The following EPHA5 variants were observed in gnomAD, a reference collection of about 807,000 sequenced individuals.
EPHA5 encodes the protein EPH receptor A5, also known as ephrin type-A receptor 5.
A neutral mutation model predicts 105.0 loss-of-function variants in EPHA5; 60 were observed. The observed-to-expected ratio is 0.57, with a 90% CI of 0.46 to 0.71. The LOEUF (loss-of-function observed/expected upper bound fraction) is 0.71, where lower values mean the gene tolerates loss of function less well. Among genes scored for constraint, EPHA5 ranks in the 30% least tolerant of loss-of-function variants. The probability of loss-of-function intolerance (pLI) is 0.00; values close to 1 mark genes in which losing one functional copy is unlikely to be tolerated. For synonymous variants in EPHA5, 513 were observed against 449.1 expected, an observed-to-expected ratio of 1.14 and a Z score of -1.80; for missense variants, 1,218 against 1,274.7, an observed-to-expected ratio of 0.96 and a Z score of 0.68.
chr4:65,498,266 A>G (rs1349560201), intron 3 of EPHA5, among the ~76,000 whole-genome samples: 1 of 151,758 alleles, frequency 6.6e-6, no homozygotes, highest in Non-Finnish European at 1.5e-5. Context: ...GGCCACAAAA[A>G]CCTTACATAT....
chr4:65,426,964 A>C (rs1419708972), intron 5 of EPHA5, among the ~76,000 whole-genome samples: 1 of 152,260 alleles, frequency 6.6e-6, no homozygotes, highest in Admixed American at 6.5e-5. Flanking sequence ...CAATGTTATT[A>C]AAGAATTTCA....
intron 5 of EPHA5, among the ~76,000 whole-genome samples, chr4:65,430,672 A>T (rs536740988): frequency 6.6e-6 from 1 of 152,172 alleles, no homozygotes; most frequent in East Asian, 1.9e-4. Flanking sequence ...AGTTCACCCC[A>T]CCAGGAATTG....
chr4:65,638,090 C>T (rs967703586), intron 2 of EPHA5, among the ~76,000 whole-genome samples: 5 of 152,210 alleles, frequency 3.3e-5, no homozygotes, highest in East Asian at 1.9e-4. Context: ...TAAACATATC[C>T]ATTCTTAAGG....
intron 8 of EPHA5, among the ~76,000 whole-genome samples, chr4:65,400,435 GATT>G (rs1209435267): frequency 6.6e-6 from 1 of 152,084 alleles, no homozygotes; most frequent in Non-Finnish European, 1.5e-5. Flanking sequence ...ATACCCCATA[GATT>G]ACTTAACACA....
In EPHA5 at chr4:65,320,996, A is replaced by G. The variant is rs1388905647; in HGVS notation, c.*3118T>C. 3 of 230,450 alleles carry G rather than the reference A, an allele frequency of 1.3e-5. No individual in the cohort carries two copies. The highest frequency in any genetic ancestry group is 2.6e-5 in the Non-Finnish European group (3 of 116,298). 14.3% of individuals were successfully genotyped at this position (230,450 alleles called of 1,614,324 possible). On this transcript the variant is annotated 3_prime_UTR_variant, in exon 17 of 17. Coordinates refer to ENST00000613740, the MANE Select transcript of EPHA5 (RefSeq NM_001281766.3). The stretch of plus-strand genomic sequence containing the variant: ...AAAATCAAAATCTTTACATCTTTAC[A>G]TAGAAATAGTACATTATGAAAAGAG...
At chr4:65,439,076 C>A (rs1373758081) in intron 5 of EPHA5, among the ~76,000 whole-genome samples, 1 of 152,050 alleles carries the variant, frequency 6.6e-6, no homozygotes, top group East Asian at 1.9e-4. Context: ...GCCCATTTTA[C>A]AGGTGAAGAT....
intron 8 of EPHA5, among the ~76,000 whole-genome samples, chr4:65,398,449 G>A (rs1301506011): frequency 2.0e-5 from 3 of 152,264 alleles, no homozygotes; most frequent in Non-Finnish European, 2.9e-5. Context: ...ATGGTGGCAG[G>A]AGGCAGACAG....
intron 5 of EPHA5, among the ~76,000 whole-genome samples, chr4:65,486,911 C>G (rs1447538533): frequency 1.3e-5 from 2 of 152,172 alleles, no homozygotes; most frequent in African/African-American, 4.8e-5. Context: ...GGGGCAGTTT[C>G]TTGAGAACAG....
chr4:65,450,060 C>T (rs1293006509), intron 5 of EPHA5, among the ~76,000 whole-genome samples: 6 of 152,048 alleles, frequency 3.9e-5, no homozygotes, highest in Non-Finnish European at 7.4e-5. Flanking sequence ...ACGTTTAAAG[C>T]ATTAAAAAGA....
chr4:65,340,963 A>G (rs1247055511), intron 14 of EPHA5, among the ~76,000 whole-genome samples: 1 of 152,130 alleles, frequency 6.6e-6, no homozygotes, highest in Non-Finnish European at 1.5e-5. Context: ...TTTCTACTCC[A>G]TAGCTTGCAA....
chr4:65,435,270 A>G (rs544357265), intron 5 of EPHA5, among the ~76,000 whole-genome samples: 2 of 152,212 alleles, frequency 1.3e-5, no homozygotes, highest in African/African-American at 4.8e-5. Context: ...ATTTGTATCC[A>G]TTGTTAGGTT....
intron 3 of EPHA5, among the ~76,000 whole-genome samples, chr4:65,576,679 G>T (rs1741089276): frequency 6.6e-6 from 1 of 152,162 alleles, no homozygotes; most frequent in Non-Finnish European, 1.5e-5. Flanking sequence ...TTGAGGGTAA[G>T]ACATAAACAT....
chr4:65,351,587 C>T lies in EPHA5; in HGVS notation c.2247G>A (p.Gly749=), dbSNP rs758586357. Reference sequence around the variant, plus strand: ...CAACAAGCTGAATCACAGTGAACTGCCCATCGTTTTTCTGTAAAGACAATG... The same window carrying T: ...CAACAAGCTGAATCACAGTGAACTGTCCATCGTTTTTCTGTAAAGACAATG... The part of the protein sequence containing the change: ...SLDTFLKKND[G]QFTVIQLVGM... The change falls in exon 13 of 17, where the codon GGG becomes GGA. Residue 749 remains glycine, a synonymous_variant. Coordinates refer to ENST00000613740, the MANE Select transcript of EPHA5 (RefSeq NM_001281766.3). The T allele has an allele frequency of 8.1e-6, 13 of 1,613,374 alleles. No homozygotes were observed. The highest frequency in any genetic ancestry group is 1.1e-5 in the Non-Finnish European group (13 of 1,179,594).
chr4:65,378,825 T>A (rs10019169), intron 8 of EPHA5, among the ~76,000 whole-genome samples: 8,340 of 151,930 alleles, frequency 0.055, 422 homozygotes, highest in African/African-American at 0.13. Context: ...AACACAATGA[T>A]TGACACTTGT....
intron 3 of EPHA5, among the ~76,000 whole-genome samples, chr4:65,506,878 T>C (rs184247160): frequency 0.058 from 8,781 of 152,224 alleles, 862 homozygotes; most frequent in African/African-American, 0.2. Flanking sequence ...ATCCCATTTG[T>C]CAATTTTGGC....
intron 2 of EPHA5, among the ~76,000 whole-genome samples, chr4:65,613,074 A>T (rs930359767): frequency 6.6e-6 from 1 of 151,918 alleles, no homozygotes; most frequent in Non-Finnish European, 1.5e-5. Context: ...TAGGGGTCCA[A>T]TTTCATTTTT....
intron 8 of EPHA5, among the ~76,000 whole-genome samples, chr4:65,401,373 A>G (rs1721802604): frequency 6.6e-6 from 1 of 152,100 alleles, no homozygotes; most frequent in East Asian, 1.9e-4. Context: ...GTCTTTCAAG[A>G]ATCATATCAT....
At chr4:65,330,755 A>G (rs1720533346) in intron 16 of EPHA5, 1 of 1,019,132 alleles carries the variant, frequency 9.8e-7, no homozygotes, top group Non-Finnish European at 1.2e-6. Context: ...CAGTTTAAAT[A>G]TAGCACAAAT....
At chr4:65,610,262 A>T (rs369551402) in intron 2 of EPHA5, among the ~76,000 whole-genome samples, 22 of 152,260 alleles carry the variant, frequency 1.4e-4, no homozygotes, top group African/African-American at 5.1e-4. Flanking sequence ...CATCATCCTA[A>T]GCAAACTAAC....
Sources: allele counts gnomAD v4.1 joint callset (sites outside exome capture counted in the v4.1 genomes callset), GRCh38; gene constraint gnomAD v4.1.1; transcripts MANE v1.5; gene names NCBI Gene and HGNC (gene_info 2026-07-23, HGNC 2026-07-21).